The following TMEM245 variants were observed in gnomAD, a reference collection of about 807,000 sequenced individuals.
TMEM245 encodes transmembrane protein 245, also known as protein CG-2.
A neutral mutation model predicts 101.2 loss-of-function variants in TMEM245; 69 were observed. The ratio of observed to expected loss-of-function variants is 0.68; its 90% CI spans 0.56 to 0.83. The LOEUF is 0.83. Among genes scored for constraint, TMEM245 ranks in the 40% least tolerant of loss-of-function variants. The pLI is 0.00. For missense variants in TMEM245, 1,075 were observed against 1,092.8 expected (o/e 0.98, Z 0.23); for synonymous variants, 537 against 449.8 (o/e 1.19, Z -2.45).
chr9:109,077,328 T>C (rs1482255437), intron 8 of TMEM245, among the ~76,000 whole-genome samples: 1 of 152,090 alleles, frequency 6.6e-6, no homozygotes, highest in Non-Finnish European at 1.5e-5. Context: ...TTTTTTCTAT[T>C]CTTTGTAGAG....
At chr9:109,058,283 C>T (rs907907290) in intron 11 of TMEM245, among the ~76,000 whole-genome samples, 1 of 151,880 alleles carries the variant, frequency 6.6e-6, no homozygotes, top group African/African-American at 2.4e-5. Flanking sequence ...GGATTACAGG[C>T]GTGAGCCACC....
At chr9:109,025,658 T>C (rs1220867494) in intron 17 of TMEM245, among the ~76,000 whole-genome samples, 1 of 152,152 alleles carries the variant, frequency 6.6e-6, no homozygotes, top group Non-Finnish European at 1.5e-5. Context: ...CAATTTTTAG[T>C]AGAAGTGAAA....
intron 9 of TMEM245, among the ~76,000 whole-genome samples, chr9:109,072,825 G>A (rs1305462088): frequency 6.6e-6 from 1 of 152,204 alleles, no homozygotes; most frequent in African/African-American, 2.4e-5. Flanking sequence ...GGACAACATG[G>A]TGAGACCTCA....
At chr9:109,118,025 C>A (rs1480803487) in intron 1 of TMEM245, among the ~76,000 whole-genome samples, 1 of 152,358 alleles carries the variant, frequency 6.6e-6, no homozygotes, top group East Asian at 1.9e-4. Flanking sequence ...CAATCACATT[C>A]TCTGGGCCTG....
At chr9:109,073,742 A>G (rs1829403619) in intron 8 of TMEM245, among the ~76,000 whole-genome samples, 1 of 152,192 alleles carries the variant, frequency 6.6e-6, no homozygotes, top group Non-Finnish European at 1.5e-5. Flanking sequence ...GCATGAATAT[A>G]TCGTATAAAT....
chr9:109,021,613 C>T (rs1304471348), intron 17 of TMEM245, among the ~76,000 whole-genome samples: 1 of 152,182 alleles, frequency 6.6e-6, no homozygotes, highest in African/African-American at 2.4e-5. Context: ...CTCCCAGGCT[C>T]AAGCCATCCT....
chr9:109,034,058 A>G (rs1238462649), intron 16 of TMEM245, among the ~76,000 whole-genome samples: 2 of 152,248 alleles, frequency 1.3e-5, no homozygotes, highest in African/African-American at 4.8e-5. Context: ...TCTATTTCAC[A>G]GGAGAATCAC....
chr9:109,044,526 T>C (rs1828416249), intron 14 of TMEM245, among the ~76,000 whole-genome samples: 2 of 152,146 alleles, frequency 1.3e-5, no homozygotes, highest in Admixed American at 1.3e-4. Context: ...CCCTTCCCAG[T>C]ATTCTAGCCT....
intron 4 of TMEM245, among the ~76,000 whole-genome samples, chr9:109,092,451 C>T (rs1382523211): frequency 1.3e-5 from 2 of 152,238 alleles, no homozygotes; most frequent in African/African-American, 4.8e-5. Context: ...AGGGCTAAAG[C>T]CCAAGCTAGT....
intron 16 of TMEM245, among the ~76,000 whole-genome samples, chr9:109,034,261 A>G (rs971996806): frequency 2.6e-5 from 4 of 152,222 alleles, no homozygotes; most frequent in African/African-American, 7.2e-5. Flanking sequence ...GCAAATAACT[A>G]AATATCCTGG....
At chr9:109,088,752 C>T (rs1252955502) in intron 5 of TMEM245, among the ~76,000 whole-genome samples, 1 of 144,652 alleles carries the variant, frequency 6.9e-6, no homozygotes, top group African/African-American at 2.6e-5. Flanking sequence ...GGAAGTGAAG[C>T]TTGCAATGAG....
rs751739620 is a variant in TMEM245, at chr9:109,083,901, CAAAAAAAAAAAAAAA to C, written c.1344+2081_1344+2095del. Among the ~76,000 whole-genome samples, 5 of 34,468 alleles carry C rather than the reference CAAAAAAAAAAAAAAA, an allele frequency of 1.5e-4. 1 individual carries two copies. Among genetic ancestry groups the C allele is most frequent in the Non-Finnish European group, 2.0e-4 (4 of 19,818 alleles). The allele number at this position is 34,468 out of a possible 152,430, so 22.6% of individuals were successfully genotyped here. On this transcript the variant is annotated intron_variant, in intron 7 of 17. Coordinates refer to ENST00000374586, the MANE Select transcript of TMEM245 (RefSeq NM_032012.4). ...CAAAACCCCATCTCTACTAAAAATA[CAAAAAAAAAAAAAAA>C]AAAAAAAAAAAAACACCAGGCATGG...
At chr9:109,108,417 A>C in intron 2 of TMEM245, 36 bp downstream of exon 2, 2 of 1,150,106 alleles carry the variant, frequency 1.7e-6, no homozygotes, top group Non-Finnish European at 1.2e-6. Context: ...CTTAGGCTAG[A>C]CTTAAAAAAA....
chr9:109,115,908 T>A (rs1830713292), intron 1 of TMEM245, among the ~76,000 whole-genome samples: 1 of 152,010 alleles, frequency 6.6e-6, no homozygotes, highest in Non-Finnish European at 1.5e-5. Flanking sequence ...TACTACAGAG[T>A]TTTGATAACA....
At chr9:109,085,201 G>A (rs1052913033) in intron 7 of TMEM245, among the ~76,000 whole-genome samples, 2 of 152,164 alleles carry the variant, frequency 1.3e-5, no homozygotes, top group African/African-American at 4.8e-5. Flanking sequence ...GAATTCCTGG[G>A]CTCAAACAAT....
At chr9:109,083,813 T>C (rs375938936) in intron 7 of TMEM245, among the ~76,000 whole-genome samples, 6 of 147,050 alleles carry the variant, frequency 4.1e-5, no homozygotes, top group African/African-American at 1.5e-4. Flanking sequence ...CCTAACACTT[T>C]AGGAGGCTGA....
chr9:109,081,839 T>C (rs1370824049), intron 7 of TMEM245, among the ~76,000 whole-genome samples: 2 of 152,236 alleles, frequency 1.3e-5, no homozygotes, highest in African/African-American at 4.8e-5. Flanking sequence ...ATTATCTTGC[T>C]ATAACTTCCT....
At chr9:109,054,479 T>C (rs1310821217) in intron 12 of TMEM245, among the ~76,000 whole-genome samples, 3 of 152,122 alleles carry the variant, frequency 2.0e-5, no homozygotes, top group South Asian at 2.1e-4. Flanking sequence ...AGGTAAAATA[T>C]GTTCAGGTAT....
At chr9:109,096,549 C>T (rs1485220789) in intron 3 of TMEM245, among the ~76,000 whole-genome samples, 2 of 152,156 alleles carry the variant, frequency 1.3e-5, no homozygotes, top group Admixed American at 6.5e-5. Context: ...CTGACCTACA[C>T]CAGAGATGGG....
Sources: gnomAD v4.1 joint callset for allele counts (sites outside exome capture counted in the v4.1 genomes callset) on GRCh38, gnomAD v4.1.1 for gene constraint, MANE v1.5 for transcripts, NCBI Gene and HGNC (gene_info 2026-07-23, HGNC 2026-07-21) for gene names.